The following ANKFN1 variants were observed in gnomAD, a reference collection of about 807,000 sequenced individuals.
The protein encoded by ANKFN1 is ankyrin repeat and fibronectin type-III domain-containing protein 1.
ANKFN1 carries 74 observed loss-of-function variants against 108.7 expected under a neutral mutation model. The ratio of observed to expected loss-of-function variants is 0.68; its 90% CI spans 0.56 to 0.83. ANKFN1 has a LOEUF of 0.83. ANKFN1 is among the 40% of genes least tolerant of loss of function. ANKFN1 has a pLI of 0.00. For synonymous variants in ANKFN1, 547 were observed against 516.2 expected, an observed-to-expected ratio of 1.06 and a Z score of -0.81; for missense variants, 1,505 against 1,382.3, an observed-to-expected ratio of 1.09 and a Z score of -1.41.
At chr17:56,046,496 G>GCATTT (rs1270438352) in intron 4 of ANKFN1, among the ~76,000 whole-genome samples, 1 of 151,864 alleles carries the variant, frequency 6.6e-6, no homozygotes, top group Admixed American at 6.6e-5. Flanking sequence ...ACACGCACTT[G>GCATTT]CATTTTCTCT....
At chr17:56,141,362 G>A (rs1907906906) in intron 4 of ANKFN1, among the ~76,000 whole-genome samples, 1 of 152,172 alleles carries the variant, frequency 6.6e-6, no homozygotes, top group Admixed American at 6.5e-5. Flanking sequence ...GAAGATTGGG[G>A]CAGCTGGCGA....
chr17:56,429,922 T>C (rs1264139943), intron 8 of ANKFN1, among the ~76,000 whole-genome samples: 3 of 152,204 alleles, frequency 2.0e-5, no homozygotes, highest in Non-Finnish European at 4.4e-5. Flanking sequence ...TGCACGTAAA[T>C]CATTATAATA....
intron 3 of ANKFN1, among the ~76,000 whole-genome samples, chr17:56,304,143 C>T (rs1279871563): frequency 6.6e-6 from 1 of 152,136 alleles, no homozygotes; most frequent in Non-Finnish European, 1.5e-5. Context: ...TTTATGATCA[C>T]ACCCACTTCC....
chr17:56,245,956 A>C lies in ANKFN1; in HGVS notation c.53+17999A>C, dbSNP rs376879440. ...ACCAAAAGGTCAAAGAGAAAAAAGC[A>C]GATGGACCTCTTCCCCTGAATCAAG... On this transcript the variant is annotated intron_variant, in intron 3 of 20. Coordinates refer to ENST00000682825, the MANE Select transcript of ANKFN1 (RefSeq NM_001370326.1). 6.6e-5 allele frequency: 10 copies of C among 152,328 alleles called. No homozygotes were observed. In the East Asian group the frequency reaches 1.9e-3, roughly 29 times the overall value. 9.4% of individuals were successfully genotyped at this position (152,328 alleles called of 1,614,324 possible). A position where few individuals can be genotyped will look rare whatever the true frequency, so the allele number is the denominator to read the frequency against.
chr17:56,324,710 A>T (rs2045468114), intron 3 of ANKFN1, among the ~76,000 whole-genome samples: 1 of 152,340 alleles, frequency 6.6e-6, no homozygotes, highest in South Asian at 2.1e-4. Flanking sequence ...AATATTCCTA[A>T]ATTAGATTAT....
At position 56,372,590 on chromosome 17, in the gene ANKFN1, A is replaced by G. The variant is rs1214284598; in HGVS notation, c.602-56A>G. On this transcript the variant is annotated intron_variant, in intron 6 of 20. Coordinates refer to ENST00000682825, the MANE Select transcript of ANKFN1 (RefSeq NM_001370326.1). Reference sequence around the variant, plus strand: ...GTAAACTCTGGGATATATCCTTCCAATGAAGCAGCATTTCCCCAGAAAGAA... The same window carrying G: ...GTAAACTCTGGGATATATCCTTCCAGTGAAGCAGCATTTCCCCAGAAAGAA... 6 of 1,489,148 alleles carry G rather than the reference A, an allele frequency of 4.0e-6. No homozygotes were observed. The Admixed American group carries it at 1.2e-4, about 29-fold the overall frequency. The allele number at this position is 1,489,148 out of a possible 1,614,324, so 92.2% of individuals were successfully genotyped here.
intron 3 of ANKFN1, among the ~76,000 whole-genome samples, chr17:56,293,417 T>C (rs1018536514): frequency 3.3e-5 from 5 of 152,172 alleles, no homozygotes; most frequent in African/African-American, 1.2e-4. Flanking sequence ...TTTATGTTTG[T>C]GGTCATTTTA....
intron 4 of ANKFN1, among the ~76,000 whole-genome samples, chr17:56,053,351 GTTCAAC>G (rs1904810754): frequency 6.6e-6 from 1 of 152,004 alleles, no homozygotes; most frequent in Non-Finnish European, 1.5e-5. Context: ...ATCTCCATGA[GTTCAAC>G]TGTTTTAATT....
intron 4 of ANKFN1, among the ~76,000 whole-genome samples, chr17:56,339,033 C>G (rs1246638179): frequency 1.3e-5 from 2 of 151,928 alleles, no homozygotes; most frequent in African/African-American, 4.8e-5. Flanking sequence ...CAAGGAATGT[C>G]TTTCTATTTG....
intron 3 of ANKFN1, among the ~76,000 whole-genome samples, chr17:56,265,162 G>A (rs1406106671): frequency 6.6e-6 from 1 of 152,110 alleles, no homozygotes; most frequent in African/African-American, 2.4e-5. Context: ...CAAGATTTGG[G>A]CAAACAGTGT....
chr17:56,363,709 A>G (rs1438993631), intron 6 of ANKFN1, among the ~76,000 whole-genome samples: 1 of 152,180 alleles, frequency 6.6e-6, no homozygotes, highest in Non-Finnish European at 1.5e-5. Context: ...TTAAAATGTT[A>G]TATATTATAT....
intron 2 of ANKFN1, among the ~76,000 whole-genome samples, chr17:56,221,224 A>G (rs1368181751): frequency 6.6e-6 from 1 of 152,180 alleles, no homozygotes. Flanking sequence ...TAAACCATTC[A>G]TGGGAAATCC....
At chr17:56,415,199 C>A (rs2048207449) in intron 8 of ANKFN1, among the ~76,000 whole-genome samples, 1 of 152,098 alleles carries the variant, frequency 6.6e-6, no homozygotes, top group African/African-American at 2.4e-5. Flanking sequence ...ACTGGAAGTC[C>A]TAGCTAGTGC....
intron 1 of ANKFN1, among the ~76,000 whole-genome samples, chr17:56,167,261 G>GTA (rs1431986196): frequency 3.8e-3 from 285 of 74,714 alleles, no homozygotes; most frequent in African/African-American, 0.011. Flanking sequence ...GTATGTGTGT[G>GTA]TATATATATA....
chr17:56,425,262 T>C (rs1300629427), intron 8 of ANKFN1, among the ~76,000 whole-genome samples: 2 of 152,166 alleles, frequency 1.3e-5, no homozygotes, highest in Non-Finnish European at 2.9e-5. Flanking sequence ...AAAGGTGGTT[T>C]TGGTGGGTAA....
chr17:56,252,713 A>G (rs2043263626), intron 3 of ANKFN1, among the ~76,000 whole-genome samples: 2 of 143,912 alleles, frequency 1.4e-5, no homozygotes, highest in South Asian at 2.2e-4. Context: ...AAGATAATTG[A>G]AATACTTACA....
chr17:56,105,711 CTGTGTGTGTGTGTG>C (rs147924842), intron 4 of ANKFN1, among the ~76,000 whole-genome samples: 2 of 144,542 alleles, frequency 1.4e-5, no homozygotes, highest in South Asian at 4.5e-4. Context: ...GTTTTTTTGT[CTGTGTGTGTGTGTG>C]TGTGTGTGTG....
upstream of ANKFN1, among the ~76,000 whole-genome samples, chr17:56,150,262 T>C (rs1029135323): frequency 3.3e-5 from 5 of 152,202 alleles, no homozygotes; most frequent in African/African-American, 1.2e-4. Flanking sequence ...GGAATCAACA[T>C]GATTAAGTTG....
intron 4 of ANKFN1, among the ~76,000 whole-genome samples, chr17:56,096,407 C>T (rs1168934277): frequency 6.6e-6 from 1 of 152,172 alleles, no homozygotes; most frequent in African/African-American, 2.4e-5. Flanking sequence ...TTAAAGTCTA[C>T]CAGACTTTGG....
Sources: gnomAD v4.1 joint callset for allele counts (sites outside exome capture counted in the v4.1 genomes callset) on GRCh38, gnomAD v4.1.1 for gene constraint, MANE v1.5 for transcripts, NCBI Gene and HGNC (gene_info 2026-07-23, HGNC 2026-07-21) for gene names.